DROSHA: variants seen among roughly 807,000 people sequenced by gnomAD.
DROSHA encodes ribonuclease 3.
DROSHA carries 56 observed loss-of-function variants against 181.9 expected under a neutral mutation model. The ratio of observed to expected loss-of-function variants is 0.31; its 90% CI spans 0.25 to 0.38. The LOEUF (loss-of-function observed/expected upper bound fraction) is 0.38. Ranked by LOEUF, DROSHA falls within the 10% of genes least tolerant of loss-of-function variation. The pLI is 1.00. For synonymous variants in DROSHA, 524 were observed against 591.2 expected (o/e 0.89, Z 1.65); for missense variants, 1,218 against 1,743.5 (o/e 0.70, Z 5.37).
chr5:31,435,080 C>A (rs1744631518), intron 25 of DROSHA, among the ~76,000 whole-genome samples: 1 of 152,050 alleles, frequency 6.6e-6, no homozygotes, highest in Admixed American at 6.6e-5. Context: ...AAGAGAACAA[C>A]AATTTGTCAA....
intron 20 of DROSHA, among the ~76,000 whole-genome samples, chr5:31,457,121 GC>G (rs1165952544): frequency 9.0e-6 from 1 of 111,498 alleles, no homozygotes; most frequent in African/African-American, 3.2e-5. Context: ...AGGAAATTAA[GC>G]CTTTTTTTTT....
At chr5:31,519,798 G>C (rs1024659142) in intron 6 of DROSHA, among the ~76,000 whole-genome samples, 12 of 152,164 alleles carry the variant, frequency 7.9e-5, no homozygotes, top group Non-Finnish European at 1.5e-4. Context: ...TAAGTACTGA[G>C]ATAACCCTAC....
intron 21 of DROSHA, among the ~76,000 whole-genome samples, chr5:31,450,414 G>C (rs897696146): frequency 1.3e-5 from 2 of 152,148 alleles, no homozygotes; most frequent in Non-Finnish European, 1.5e-5. Flanking sequence ...CAATTGCAAA[G>C]ATATGGAATC....
intron 30 of DROSHA, among the ~76,000 whole-genome samples, chr5:31,414,100 A>C (rs1741664315): frequency 6.6e-6 from 1 of 152,188 alleles, no homozygotes; most frequent in Non-Finnish European, 1.5e-5. Context: ...ATCAGAGCCA[A>C]GGGAGGAGAG....
At chr5:31,511,300 T>A in intron 8 of DROSHA, 124 bp from the exon 9 acceptor site, 1 of 956,268 alleles carries the variant, frequency 1.0e-6, no homozygotes, top group Non-Finnish European at 1.5e-6. Flanking sequence ...ACCCTAAATT[T>A]AACAAACATT....
intron 16 of DROSHA, among the ~76,000 whole-genome samples, chr5:31,483,123 T>A (rs1254939298): frequency 6.6e-6 from 1 of 152,224 alleles, no homozygotes; most frequent in Non-Finnish European, 1.5e-5. Context: ...TAAAATGAAT[T>A]CAAGCACATG....
At chr5:31,488,832 A>C (rs941814875) in intron 13 of DROSHA, 2 of 152,262 alleles carry the variant, frequency 1.3e-5, no homozygotes, top group Admixed American at 6.5e-5. Context: ...AAGGAAGAGA[A>C]AAATTTTAAA....
chr5:31,478,966 T>A (rs1001575935), intron 16 of DROSHA, among the ~76,000 whole-genome samples: 1 of 152,192 alleles, frequency 6.6e-6, no homozygotes, highest in Non-Finnish European at 1.5e-5. Flanking sequence ...ACACAGACTA[T>A]TTCTGAAGCA....
At chr5:31,491,286 C>T (rs1752372719) in intron 13 of DROSHA, among the ~76,000 whole-genome samples, 1 of 150,492 alleles carries the variant, frequency 6.6e-6, no homozygotes, top group Non-Finnish European at 1.5e-5. Flanking sequence ...TGCCAAACAC[C>T]ATGGTAAACA....
intron 14 of DROSHA, among the ~76,000 whole-genome samples, chr5:31,485,607 C>T (rs1435609337): frequency 7.4e-6 from 1 of 136,000 alleles, no homozygotes; most frequent in East Asian, 2.1e-4. Flanking sequence ...CAAATGAAGG[C>T]ATATGACCTT....
At chr5:31,413,477 A>C (rs1450413488) in intron 30 of DROSHA, among the ~76,000 whole-genome samples, 1 of 152,234 alleles carries the variant, frequency 6.6e-6, no homozygotes, top group African/African-American at 2.4e-5. Context: ...CTTCATAATG[A>C]ATCATGTTAT....
chr5:31,497,896 G>A (rs1049580098), intron 11 of DROSHA, among the ~76,000 whole-genome samples: 1 of 152,146 alleles, frequency 6.6e-6, no homozygotes, highest in Non-Finnish European at 1.5e-5. Flanking sequence ...CTTACAAGAC[G>A]AACAGCAGAC....
intron 13 of DROSHA, among the ~76,000 whole-genome samples, chr5:31,487,750 G>A (rs1280741246): frequency 6.6e-6 from 1 of 152,038 alleles, no homozygotes; most frequent in Non-Finnish European, 1.5e-5. Flanking sequence ...AGTTCTTGGG[G>A]GCTTTTCCTT....
chr5:31,450,479 C>A (rs537438715), intron 21 of DROSHA, among the ~76,000 whole-genome samples: 1 of 152,224 alleles, frequency 6.6e-6, no homozygotes, highest in East Asian at 1.9e-4. Flanking sequence ...TATACATATA[C>A]CATGGAATAC....
At position 31,410,687 on chromosome 5, in the gene DROSHA, C is replaced by T. The variant is rs112057540; in HGVS notation, c.3667+59G>A. On this transcript the variant is annotated intron_variant, in intron 31 of 35. Transcript: ENST00000344624. The stretch of plus-strand genomic sequence containing the variant: ...ATAATAATGAGGAGGAGGACAAATA[C>T]GGTTACTTGGACTTAAACTCTGAAC... 172 of 1,556,342 alleles carry T rather than the reference C, an allele frequency of 1.1e-4. No individual in the cohort carries two copies. In the African/African-American group the frequency reaches 1.4e-3, roughly 13 times the overall value.
At chr5:31,527,907 T>A (rs781018472) in intron 4 of DROSHA, among the ~76,000 whole-genome samples, 2 of 152,246 alleles carry the variant, frequency 1.3e-5, no homozygotes, top group East Asian at 1.9e-4. Flanking sequence ...ATAAGTGACA[T>A]GATCAGTGCC....
At chr5:31,484,119 C>A (rs1366680831) in intron 15 of DROSHA, among the ~76,000 whole-genome samples, 2 of 152,098 alleles carry the variant, frequency 1.3e-5, no homozygotes, top group Non-Finnish European at 2.9e-5. Context: ...CGCCTGTAAT[C>A]CCAGCACTTT....
chr5:31,482,656 T>A (rs1751165468), intron 16 of DROSHA, among the ~76,000 whole-genome samples: 1 of 152,026 alleles, frequency 6.6e-6, no homozygotes, highest in Admixed American at 6.6e-5. Context: ...TAACAGAACC[T>A]TGTGGAGAGA....
intron 10 of DROSHA, among the ~76,000 whole-genome samples, chr5:31,508,083 CTG>C (rs1738199096): frequency 1.3e-5 from 2 of 152,118 alleles, no homozygotes; most frequent in South Asian, 4.1e-4. Flanking sequence ...TATTATATAT[CTG>C]TGTGACACAA....
Sources: allele counts gnomAD v4.1 joint callset (sites outside exome capture counted in the v4.1 genomes callset), GRCh38; gene constraint gnomAD v4.1.1; transcripts MANE v1.5; gene names NCBI Gene and HGNC (gene_info 2026-07-23, HGNC 2026-07-21).